The following METTL25 variants were observed in gnomAD, a reference collection of about 807,000 sequenced individuals.
METTL25 encodes the protein methyltransferase like 25, also known as probable methyltransferase-like protein 25.
A neutral mutation model predicts 71.6 loss-of-function variants in METTL25; 64 were observed. The ratio of observed to expected loss-of-function variants is 0.89; its 90% CI spans 0.73 to 1.10. The LOEUF (loss-of-function observed/expected upper bound fraction) is 1.10. Among genes scored for constraint, METTL25 ranks in the 50% least tolerant of loss-of-function variants. METTL25 has a pLI of 0.00. For missense variants in METTL25, 807 were observed against 707.0 expected (o/e 1.14, Z -1.60); for synonymous variants, 287 against 250.3 (o/e 1.15, Z -1.38).
At chr12:82,421,050 C>T (rs1389759443) in intron 5 of METTL25, among the ~76,000 whole-genome samples, 1 of 151,964 alleles carries the variant, frequency 6.6e-6, no homozygotes, top group Non-Finnish European at 1.5e-5. Context: ...TTAGTACAGA[C>T]GGGGTTTCGC....
chr12:82,383,874 A>AG (rs1884697585), intron 1 of METTL25, among the ~76,000 whole-genome samples: 3 of 152,146 alleles, frequency 2.0e-5, no homozygotes. Context: ...ATTGAAAAAA[A>AG]TAAACTGAGA....
intron 5 of METTL25, among the ~76,000 whole-genome samples, chr12:82,429,646 G>A (rs1889330916): frequency 6.6e-6 from 1 of 151,304 alleles, no homozygotes; most frequent in South Asian, 2.1e-4. Flanking sequence ...TTTTTCATAT[G>A]GCTAGCTACA....
At position 82,473,331 on chromosome 12, in the gene METTL25, T is replaced by C. The variant is rs577344113; in HGVS notation, c.1573-3313T>C. 2.0e-5 allele frequency among the ~76,000 whole-genome samples: 3 copies of C among 152,184 alleles called. No individual in the cohort carries two copies. The South Asian group carries it at 6.2e-4, about 32-fold the overall frequency. On this transcript the variant is annotated intron_variant, in intron 9 of 11. Transcript: ENST00000248306. ...GGCTGCCAAGAGCTGCCCACAGGGA[T>C]GTTTCTCAAGGCCTGGAACAGGAGC...
At chr12:82,471,551 A>C (rs1445747921) in intron 9 of METTL25, among the ~76,000 whole-genome samples, 1 of 152,222 alleles carries the variant, frequency 6.6e-6, no homozygotes, top group Non-Finnish European at 1.5e-5. Context: ...AACAGGATTA[A>C]GAATAGGGTG....
At chr12:82,466,961 C>G (rs1413554102) in intron 9 of METTL25, among the ~76,000 whole-genome samples, 1 of 151,780 alleles carries the variant, frequency 6.6e-6, no homozygotes, top group East Asian at 1.9e-4. Context: ...GATGGAGTCT[C>G]AAAGTCTGGA....
chr12:82,391,121 A>G (rs1885533387), intron 3 of METTL25, among the ~76,000 whole-genome samples: 1 of 152,088 alleles, frequency 6.6e-6, no homozygotes, highest in Non-Finnish European at 1.5e-5. Flanking sequence ...CTGTACATGG[A>G]TGGTACGAAT....
intron 10 of METTL25, 66 bp from the exon 11 acceptor site, chr12:82,477,215 A>T: frequency 1.4e-6 from 1 of 709,826 alleles, no homozygotes; most frequent in Non-Finnish European, 2.3e-6. Context: ...ACATAAGTTT[A>T]AGGAAATAAG....
chr12:82,408,961 C>A (rs1887334545), intron 5 of METTL25, among the ~76,000 whole-genome samples: 2 of 152,056 alleles, frequency 1.3e-5, no homozygotes, highest in Non-Finnish European at 2.9e-5. Context: ...ATTTGCACAG[C>A]TGTTTTTAAG....
At chr12:82,423,259 T>C (rs944101137) in intron 5 of METTL25, among the ~76,000 whole-genome samples, 2 of 152,208 alleles carry the variant, frequency 1.3e-5, no homozygotes, top group Admixed American at 1.3e-4. Context: ...CTATCTGATC[T>C]TTGACAAACC....
intron 7 of METTL25, among the ~76,000 whole-genome samples, chr12:82,436,397 T>G (rs150374671): frequency 4.2e-4 from 64 of 151,648 alleles, no homozygotes; most frequent in African/African-American, 1.4e-3. Context: ...TAAAGTAAAC[T>G]CTGGCCACAT....
chr12:82,378,431 G>A (rs1031725962), intron 1 of METTL25, among the ~76,000 whole-genome samples: 1 of 152,156 alleles, frequency 6.6e-6, no homozygotes, highest in Admixed American at 6.6e-5. Flanking sequence ...AAAAAAGTAT[G>A]TGTTTACTGC....
intron 8 of METTL25, among the ~76,000 whole-genome samples, chr12:82,443,050 C>A (rs931440108): frequency 4.6e-5 from 7 of 150,934 alleles, no homozygotes; most frequent in Non-Finnish European, 1.0e-4. Context: ...AGACTAAGAG[C>A]TATGTGGAAT....
At chr12:82,476,758 C>T (rs1381817495) in intron 10 of METTL25, 40 bp downstream of exon 10, 1 of 1,328,940 alleles carries the variant, frequency 7.5e-7, no homozygotes, top group African/African-American at 1.5e-5. Flanking sequence ...GGATATGTTG[C>T]TAGACTTGAA....
chr12:82,444,330 G>A (rs1321409475), intron 8 of METTL25, among the ~76,000 whole-genome samples: 1 of 152,020 alleles, frequency 6.6e-6, no homozygotes, highest in East Asian at 1.9e-4. Flanking sequence ...TATGAAGGGA[G>A]ATACTCTCCC....
At chr12:82,411,077 A>C (rs1261759665) in intron 5 of METTL25, among the ~76,000 whole-genome samples, 2 of 152,090 alleles carry the variant, frequency 1.3e-5, no homozygotes, top group African/African-American at 4.8e-5. Context: ...GAATACAATT[A>C]ATTTTTCCTA....
chr12:82,449,144 A>G (rs757347298), intron 8 of METTL25, among the ~76,000 whole-genome samples: 1 of 152,196 alleles, frequency 6.6e-6, no homozygotes, highest in Non-Finnish European at 1.5e-5. Flanking sequence ...TTATTAAAAG[A>G]AAGTATACTG....
At chr12:82,460,909 C>T (rs957300340) in intron 9 of METTL25, among the ~76,000 whole-genome samples, 2 of 152,122 alleles carry the variant, frequency 1.3e-5, no homozygotes, top group Non-Finnish European at 2.9e-5. Context: ...TTTGGGAGGC[C>T]AAGGCGGGCG....
chr12:82,433,932 G>A (rs1477915223), intron 6 of METTL25, among the ~76,000 whole-genome samples: 1 of 150,490 alleles, frequency 6.6e-6, no homozygotes, highest in Non-Finnish European at 1.5e-5. Flanking sequence ...TATATATTTG[G>A]AAATATATCT....
chr12:82,470,874 A>G (rs1016931435), intron 9 of METTL25, among the ~76,000 whole-genome samples: 1 of 152,186 alleles, frequency 6.6e-6, no homozygotes, highest in African/African-American at 2.4e-5. Context: ...TAGGTTTGTC[A>G]GAAGAGAAAC....
Sources: gnomAD v4.1 joint callset for allele counts (sites outside exome capture counted in the v4.1 genomes callset) on GRCh38, gnomAD v4.1.1 for gene constraint, MANE v1.5 for transcripts, NCBI Gene and HGNC (gene_info 2026-07-23, HGNC 2026-07-21) for gene names.